The following LIMA1 variants were observed in gnomAD, a reference collection of about 807,000 sequenced individuals.
The protein encoded by LIMA1 is LIM domain and actin-binding protein 1.
In LIMA1, 52 loss-of-function variants were observed where a neutral mutation model predicts 62.6. The ratio of observed to expected loss-of-function variants is 0.83; its 90% CI spans 0.67 to 1.05. The LOEUF (loss-of-function observed/expected upper bound fraction) is 1.05. Ranked by LOEUF, LIMA1 falls within the 50% of genes least tolerant of loss-of-function variation. The pLI is 0.00. For synonymous variants in LIMA1, 302 were observed against 317.8 expected (o/e 0.95, Z 0.53); for missense variants, 780 against 902.2 (o/e 0.86, Z 1.74).
Position 50,204,631 on chromosome 12 carries a change from A to C in LIMA1, c.785T>G (p.Leu262Arg). 6.2e-7 allele frequency: 1 copy of C among 1,614,240 alleles called. No individual in the cohort carries two copies. Among genetic ancestry groups the C allele is most frequent in the Non-Finnish European group, 8.5e-7 (1 of 1,180,030 alleles). ...TCGATCCTTTATAGAGGTTTCTGAG[A>C]GGCGTGGAAGTTCCAGATTTCGTCT... ...ESRRNLELPR[L>R]SETSIKDRMA... is the part of the protein sequence containing the mutation. Residue 262 changes from leucine to arginine, a missense_variant, in exon 6 of 11, where the codon CTC (leucine) becomes CGC (arginine). Coordinates refer to ENST00000341247, the MANE Select transcript of LIMA1 (RefSeq NM_016357.5).
intron 4 of LIMA1, among the ~76,000 whole-genome samples, chr12:50,220,097 G>C (rs1047780207): frequency 6.6e-6 from 1 of 151,848 alleles, no homozygotes; most frequent in South Asian, 2.1e-4. Flanking sequence ...GTCTCACTCT[G>C]TTGCCCAGGC....
intron 1 of LIMA1, among the ~76,000 whole-genome samples, chr12:50,271,249 C>T (rs958118072): frequency 2.0e-5 from 3 of 152,138 alleles, no homozygotes; most frequent in East Asian, 3.8e-4. Flanking sequence ...CCAGCCTCGG[C>T]GACAGGGCAA....
intron 1 of LIMA1, among the ~76,000 whole-genome samples, chr12:50,265,685 T>C (rs1175484425): frequency 1.3e-5 from 2 of 152,326 alleles, no homozygotes; most frequent in East Asian, 3.9e-4. Flanking sequence ...TTTTCTGTAG[T>C]TTTTATTCAA....
chr12:50,187,715 T>C (rs1592497647), intron 9 of LIMA1: 1 of 152,122 alleles, frequency 6.6e-6, no homozygotes, highest in South Asian at 2.1e-4. Flanking sequence ...GGCAGTGCAG[T>C]GTGTGCTGCC....
chr12:50,181,287 A>G (rs1700610748), intron 10 of LIMA1, among the ~76,000 whole-genome samples: 1 of 152,292 alleles, frequency 6.6e-6, no homozygotes, highest in Middle Eastern at 3.4e-3. Flanking sequence ...ACATCTTTCA[A>G]GAGTATTTTA....
chr12:50,223,536 A>C (rs1167428278), intron 3 of LIMA1, among the ~76,000 whole-genome samples: 1 of 152,100 alleles, frequency 6.6e-6, no homozygotes, highest in Non-Finnish European at 1.5e-5. Flanking sequence ...ACTGTTTTAC[A>C]GATCCTCTGG....
intron 2 of LIMA1, among the ~76,000 whole-genome samples, chr12:50,244,372 G>A (rs1941819284): frequency 6.6e-6 from 1 of 152,124 alleles, no homozygotes; most frequent in African/African-American, 2.4e-5. Flanking sequence ...CAAAGTACTG[G>A]GATTACAGGT....
At chr12:50,200,183 C>T (rs1011004831) in intron 7 of LIMA1, among the ~76,000 whole-genome samples, 3 of 151,914 alleles carry the variant, frequency 2.0e-5, no homozygotes, top group African/African-American at 7.3e-5. Flanking sequence ...GCGTGAGCCA[C>T]CACACTCGGC....
chr12:50,238,416 T>C (rs1245036858), intron 2 of LIMA1, among the ~76,000 whole-genome samples: 1 of 150,348 alleles, frequency 6.7e-6, no homozygotes, highest in Non-Finnish European at 1.5e-5. Flanking sequence ...CTGAGGCTGG[T>C]GAATCATTTG....
At chr12:50,195,753 G>T in intron 8 of LIMA1, 77 bp downstream of exon 8, 3 of 1,403,364 alleles carry the variant, frequency 2.1e-6, no homozygotes, top group African/African-American at 1.5e-5. Flanking sequence ...AGCACTGACA[G>T]TAATGGGAAC....
intron 2 of LIMA1, among the ~76,000 whole-genome samples, chr12:50,243,199 A>T (rs886950766): frequency 6.6e-6 from 1 of 152,250 alleles, no homozygotes; most frequent in Non-Finnish European, 1.5e-5. Context: ...TCTTCTATAC[A>T]TATAAACACA....
In LIMA1 at chr12:50,175,998, T is replaced by G. The variant is rs1311926743; in HGVS notation, c.*1066A>C. On this transcript the variant is annotated 3_prime_UTR_variant, in exon 11 of 11. Coordinates refer to ENST00000341247, the MANE Select transcript of LIMA1 (RefSeq NM_016357.5). ...ACAACAAATGTACTCAAGTTTATAATGTCCCCAAACCTTAAGACTAGAAAA... is the reference window on the plus strand; with the variant it reads ...ACAACAAATGTACTCAAGTTTATAAGGTCCCCAAACCTTAAGACTAGAAAA... 2 of 152,240 alleles carry G rather than the reference T, an allele frequency of 1.3e-5. No homozygotes were observed. Among genetic ancestry groups the G allele is most frequent in the African/African-American group, 4.8e-5 (2 of 41,466 alleles). The allele number at this position is 152,240 out of a possible 1,614,324, so 9.4% of individuals were successfully genotyped here.
chr12:50,269,306 A>C (rs980988267), intron 1 of LIMA1, among the ~76,000 whole-genome samples: 1 of 152,220 alleles, frequency 6.6e-6, no homozygotes, highest in African/African-American at 2.4e-5. Flanking sequence ...ATGTAAGTGT[A>C]TTATTGAATA....
intron 9 of LIMA1, chr12:50,189,641 T>C (rs1027811890): frequency 9.9e-5 from 15 of 152,142 alleles, no homozygotes; most frequent in African/African-American, 3.4e-4. Flanking sequence ...TAATAAACAT[T>C]TTTTGGCTTA....
intron 2 of LIMA1, among the ~76,000 whole-genome samples, chr12:50,238,776 G>A (rs1011938264): frequency 6.6e-6 from 1 of 151,540 alleles, no homozygotes; most frequent in African/African-American, 2.4e-5. Context: ...CTTGAACCTG[G>A]TAGGTGGAGG....
intron 1 of LIMA1, among the ~76,000 whole-genome samples, chr12:50,260,718 A>G (rs1942055460): frequency 6.6e-6 from 1 of 152,144 alleles, no homozygotes; most frequent in Non-Finnish European, 1.5e-5. Context: ...AACTGTGGTG[A>G]CATGTGCAAG....
intron 10 of LIMA1, among the ~76,000 whole-genome samples, chr12:50,179,650 G>C (rs34245511): frequency 0.37 from 54,420 of 148,996 alleles, 10,350 homozygotes; most frequent in African/African-American, 0.45. Flanking sequence ...TGTTAGCCAG[G>C]ATGGTCTCAA....
At chr12:50,272,694 C>T (rs372004535) in intron 1 of LIMA1, among the ~76,000 whole-genome samples, 4 of 151,848 alleles carry the variant, frequency 2.6e-5, no homozygotes, top group South Asian at 2.1e-4. Flanking sequence ...CAAATCACAC[C>T]GCCACACAAG....
Position 50,226,293 on chromosome 12 carries a change from C to T in LIMA1, c.166-3808G>A, listed in dbSNP as rs540141348. ...CCAGGCTCAAGTGATCCTCCCACCTCGGCCTCCCAAAGTGTGGGGATCACA... is the reference window on the plus strand; with the variant it reads ...CCAGGCTCAAGTGATCCTCCCACCTTGGCCTCCCAAAGTGTGGGGATCACA... On this transcript the variant is annotated intron_variant, in intron 3 of 10. Coordinates refer to ENST00000341247, the MANE Select transcript of LIMA1 (RefSeq NM_016357.5). Among the ~76,000 whole-genome samples, 73 of 151,856 alleles carry T rather than the reference C, an allele frequency of 4.8e-4. 2 individuals carry two copies. The highest frequency in any genetic ancestry group is 6.8e-3 in the Middle Eastern group (2 of 294).
Sources: allele counts gnomAD v4.1 joint callset (sites outside exome capture counted in the v4.1 genomes callset), GRCh38; gene constraint gnomAD v4.1.1; transcripts MANE v1.5; gene names NCBI Gene and HGNC (gene_info 2026-07-23, HGNC 2026-07-21).